Variants in WWOX observed in about 807,000 individuals in gnomAD.
The protein encoded by WWOX is WW domain-containing oxidoreductase.
Under a neutral mutation model 46.2 loss-of-function variants are expected in WWOX, and 69 were observed. That is an observed-to-expected ratio of 1.49 (90% CI 1.23 to 1.82). The LOEUF is 1.82. WWOX is among the 40% of genes most tolerant of loss of function. WWOX has a pLI of 0.00. For missense variants in WWOX, 919 were observed against 542.6 expected (o/e 1.69, Z -6.89); for synonymous variants, 359 against 202.6 (o/e 1.77, Z -6.56).
At chr16:79,121,592 TGA>T (rs1304834432) in intron 8 of WWOX, among the ~76,000 whole-genome samples, 1 of 151,952 alleles carries the variant, frequency 6.6e-6, no homozygotes, top group African/African-American at 2.4e-5. Context: ...ACCGTGCTGG[TGA>T]GAGGTGGAGT....
At chr16:78,542,293 G>A (rs1382527426) in intron 8 of WWOX, among the ~76,000 whole-genome samples, 1 of 152,080 alleles carries the variant, frequency 6.6e-6, no homozygotes, top group Non-Finnish European at 1.5e-5. Context: ...GTAAGGAGGA[G>A]ACTTTGACTC....
At chr16:78,852,179 G>A (rs1288432350) in intron 8 of WWOX, among the ~76,000 whole-genome samples, 2 of 152,216 alleles carry the variant, frequency 1.3e-5, no homozygotes, top group Non-Finnish European at 2.9e-5. Context: ...GAGAAAGGGA[G>A]ATGAGCTTCT....
At chr16:79,162,793 G>C (rs1435022609) in intron 8 of WWOX, among the ~76,000 whole-genome samples, 5 of 152,034 alleles carry the variant, frequency 3.3e-5, no homozygotes, top group African/African-American at 9.7e-5. Flanking sequence ...GGAGCCAGTA[G>C]AGACTTCAGG....
intron 5 of WWOX, among the ~76,000 whole-genome samples, chr16:78,373,901 C>T (rs2081755273): frequency 6.6e-6 from 1 of 151,874 alleles, no homozygotes; most frequent in African/African-American, 2.4e-5. Flanking sequence ...AATCCTCCCA[C>T]CTCAGCCTCC....
intron 8 of WWOX, among the ~76,000 whole-genome samples, chr16:78,874,303 C>T (rs1001960846): frequency 6.6e-6 from 1 of 151,666 alleles, no homozygotes; most frequent in African/African-American, 2.4e-5. Context: ...AAAGGAGGCC[C>T]TGAGTTGGGG....
At chr16:78,327,605 C>G (rs1597488175) in intron 5 of WWOX, among the ~76,000 whole-genome samples, 1 of 152,096 alleles carries the variant, frequency 6.6e-6, no homozygotes, top group South Asian at 2.1e-4. Flanking sequence ...ACTGGAAAAC[C>G]TCTTTGCCAT....
chr16:78,779,703 C>G (rs960094004), intron 8 of WWOX, among the ~76,000 whole-genome samples: 4 of 152,190 alleles, frequency 2.6e-5, no homozygotes, highest in African/African-American at 9.7e-5. Flanking sequence ...CACAGCCCAT[C>G]TGGTTCAGAA....
At chr16:78,183,106 A>C (rs2035584580) in intron 5 of WWOX, among the ~76,000 whole-genome samples, 1 of 152,146 alleles carries the variant, frequency 6.6e-6, no homozygotes, top group Admixed American at 6.6e-5. Context: ...GTCAACAAGC[A>C]TGTTTTGATC....
chr16:78,699,713 A>G (rs1328525682), intron 8 of WWOX, among the ~76,000 whole-genome samples: 1 of 152,144 alleles, frequency 6.6e-6, no homozygotes, highest in Non-Finnish European at 1.5e-5. Flanking sequence ...CCTCTACCAG[A>G]TGGTACCTCA....
intron 8 of WWOX, among the ~76,000 whole-genome samples, chr16:78,886,293 A>G (rs184044478): frequency 4.6e-5 from 7 of 152,052 alleles, no homozygotes; most frequent in African/African-American, 1.4e-4. Flanking sequence ...TTAAAAAAAA[A>G]AAGCATTTAC....
chr16:78,993,987 T>A (rs946152958), intron 8 of WWOX, among the ~76,000 whole-genome samples: 2 of 152,188 alleles, frequency 1.3e-5, no homozygotes, highest in African/African-American at 4.8e-5. Context: ...AGCCCTGTCC[T>A]AGAGAACCCT....
At position 78,541,466 on chromosome 16, in the gene WWOX, T is replaced by C. The variant is rs1397573169; in HGVS notation, c.1056+108714T>C. Among the ~76,000 whole-genome samples, 6 of 85,652 alleles carry C rather than the reference T, an allele frequency of 7.0e-5. No homozygotes were observed. In the East Asian group the frequency reaches 2.0e-3, roughly 28 times the overall value. 56.2% of individuals were successfully genotyped at this position (85,652 alleles called of 152,430 possible). Reference sequence around the variant, plus strand: ...TCCAGCCTGGGCGACAGAGCGAGACTCCGTCTCAAAAAAAAAAAAAAAAAA... The same window carrying C: ...TCCAGCCTGGGCGACAGAGCGAGACCCCGTCTCAAAAAAAAAAAAAAAAAA... On this transcript the variant is annotated intron_variant, in intron 8 of 8. Coordinates refer to ENST00000566780, the MANE Select transcript of WWOX (RefSeq NM_016373.4).
intron 8 of WWOX, among the ~76,000 whole-genome samples, chr16:78,690,718 G>C (rs1433482859): frequency 1.3e-5 from 2 of 152,080 alleles, no homozygotes; most frequent in East Asian, 3.9e-4. Context: ...TCACAGCCTG[G>C]ATGCATGTAT....
At chr16:78,321,192 G>C (rs2080459360) in intron 5 of WWOX, among the ~76,000 whole-genome samples, 1 of 151,580 alleles carries the variant, frequency 6.6e-6, no homozygotes, top group Admixed American at 6.6e-5. Flanking sequence ...TTCTGGAACA[G>C]GAGTTTTAGA....
chr16:78,975,513 T>G (rs1235632087), intron 8 of WWOX, among the ~76,000 whole-genome samples: 1 of 151,968 alleles, frequency 6.6e-6, no homozygotes, highest in Non-Finnish European at 1.5e-5. Context: ...AGATACGACT[T>G]TCCTAATGGT....
chr16:78,944,535 G>A (rs894736435), intron 8 of WWOX, among the ~76,000 whole-genome samples: 25 of 152,172 alleles, frequency 1.6e-4, no homozygotes, highest in Admixed American at 7.8e-4. Flanking sequence ...TTGCTGTATC[G>A]AATCAAGCTG....
chr16:79,073,654 C>T (rs2048594358), intron 8 of WWOX, among the ~76,000 whole-genome samples: 1 of 152,128 alleles, frequency 6.6e-6, no homozygotes, highest in Non-Finnish European at 1.5e-5. Context: ...TAATTTTCAA[C>T]AGCCTGGGAA....
chr16:78,813,184 G>C (rs2051236276), intron 8 of WWOX, among the ~76,000 whole-genome samples: 1 of 149,170 alleles, frequency 6.7e-6, no homozygotes. Context: ...CTTTAATATT[G>C]CTTCTGATTT....
intron 8 of WWOX, among the ~76,000 whole-genome samples, chr16:78,595,002 G>C (rs2045453275): frequency 6.6e-6 from 1 of 152,284 alleles, no homozygotes; most frequent in Admixed American, 6.5e-5. Flanking sequence ...TTGTGGAAAA[G>C]GGACATGGCC....
Sources: gnomAD v4.1 joint callset for allele counts (sites outside exome capture counted in the v4.1 genomes callset) on GRCh38, gnomAD v4.1.1 for gene constraint, MANE v1.5 for transcripts, NCBI Gene and HGNC (gene_info 2026-07-23, HGNC 2026-07-21) for gene names.